The following SCAF4 variants were observed in gnomAD, a reference collection of about 807,000 sequenced individuals.
SCAF4 encodes SR-related CTD associated factor 4, also known as SR-related and CTD-associated factor 4.
In SCAF4, 25 loss-of-function variants were observed where a neutral mutation model predicts 129.8. That is an observed-to-expected ratio of 0.19 (90% CI 0.14 to 0.27). The LOEUF is 0.27. SCAF4 is among the 10% of genes least tolerant of loss of function. The pLI is 1.00. For missense variants in SCAF4, 1,246 were observed against 1,457.1 expected (o/e 0.86, Z 2.36); for synonymous variants, 551 against 497.7 (o/e 1.11, Z -1.43).
chr21:31,709,201 C>T (rs926928319), intron 1 of SCAF4, among the ~76,000 whole-genome samples: 1 of 151,964 alleles, frequency 6.6e-6, no homozygotes, highest in African/African-American at 2.4e-5. Context: ...TGGGGGGGAG[C>T]GTCTATTTTG....
At chr21:31,688,748 A>T (rs2050189267) in intron 15 of SCAF4, among the ~76,000 whole-genome samples, 1 of 152,258 alleles carries the variant, frequency 6.6e-6, no homozygotes, top group Non-Finnish European at 1.5e-5. Flanking sequence ...CACAAATGAG[A>T]AAAGCAAAGA....
rs1455471150 is a variant in SCAF4, at chr21:31,690,950, C to A, written c.1732G>T (p.Ala578Ser). The A allele has an allele frequency of 1.2e-6, 2 of 1,603,212 alleles. No homozygotes were observed. The highest frequency in any genetic ancestry group is 1.7e-6 in the Non-Finnish European group (2 of 1,175,728). Residue 578 changes from alanine to serine, a missense_variant, in exon 15 of 20, where the codon GCC becomes TCC. Coordinates refer to ENST00000286835, the MANE Select transcript of SCAF4 (RefSeq NM_020706.2). Reference sequence around the variant, plus strand: ...TTTATTCCTTTGTTTAAGGCCCAGGCAATCTATTTCACCATTAGTGAAAAT... The same window carrying A: ...TTTATTCCTTTGTTTAAGGCCCAGGAAATCTATTTCACCATTAGTGAAAAT... ...YKVNQKSIKI[A>S]WALNKGIKAD...
intron 1 of SCAF4, among the ~76,000 whole-genome samples, chr21:31,709,586 C>T (rs78609000): frequency 4.3e-4 from 66 of 152,156 alleles, no homozygotes; most frequent in Middle Eastern, 3.4e-3. Context: ...TCTATAGTCT[C>T]TATTTAAAAA....
intron 2 of SCAF4, among the ~76,000 whole-genome samples, chr21:31,705,978 G>A (rs989929047): frequency 6.6e-6 from 1 of 152,238 alleles, no homozygotes; most frequent in African/African-American, 2.4e-5. Context: ...GCTCAGGCAT[G>A]AGAATCACTT....
chr21:31,700,801 G>T (rs1272233391), intron 7 of SCAF4, 194 bp downstream of exon 7: 1 of 526,706 alleles, frequency 1.9e-6, no homozygotes, highest in East Asian at 3.3e-5. Context: ...TCAAACCCTG[G>T]AAATTTTTGC....
At chr21:31,722,678 G>A (rs956188367) in intron 1 of SCAF4, among the ~76,000 whole-genome samples, 3 of 152,066 alleles carry the variant, frequency 2.0e-5, no homozygotes, top group African/African-American at 7.2e-5. Flanking sequence ...ACTCAAGGTC[G>A]GGTGTGGTGG....
chr21:31,693,426 G>T lies in SCAF4; in HGVS notation c.1381C>A (p.Arg461Ser). ...GSRSRRSRHRRSRSRSRDRRR... is the reference protein window; with the variant it reads ...GSRSRRSRHRSSRSRSRDRRR... ...CTATCCCTGGACCGAGATCGAGAAC[G>T]TCGATGCCGAGACCTTCGAGATCTA... The change falls in exon 12 of 20, where the codon CGT (arginine) becomes AGT (serine). Residue 461 changes from arginine to serine, a missense_variant. Arg to Ser is a moderately radical substitution (Grantham distance 110). Coordinates refer to ENST00000286835, the MANE Select transcript of SCAF4 (RefSeq NM_020706.2). The T allele has an allele frequency of 6.4e-7, 1 of 1,562,010 alleles. No homozygotes were observed. The highest frequency in any genetic ancestry group is 8.7e-7 in the Non-Finnish European group (1 of 1,144,278).
At chr21:31,711,752 G>A (rs1189352966) in intron 1 of SCAF4, among the ~76,000 whole-genome samples, 1 of 152,086 alleles carries the variant, frequency 6.6e-6, no homozygotes, top group Non-Finnish European at 1.5e-5. Context: ...TTGCAATGTG[G>A]ACCCAAACTA....
chr21:31,717,826 C>CATATATAT (rs796625672), intron 1 of SCAF4, among the ~76,000 whole-genome samples: 3,179 of 109,830 alleles, frequency 0.029, 78 homozygotes, highest in Admixed American at 0.066. Context: ...AAACTGCTGC[C>CATATATAT]ATATATATAT....
chr21:31,719,005 T>C (rs1364152164), intron 1 of SCAF4, among the ~76,000 whole-genome samples: 1 of 152,112 alleles, frequency 6.6e-6, no homozygotes, highest in Non-Finnish European at 1.5e-5. Flanking sequence ...GAAAACAGAA[T>C]ATAGGTGGGG....
At chr21:31,714,854 G>A (rs966047850) in intron 1 of SCAF4, among the ~76,000 whole-genome samples, 1 of 152,194 alleles carries the variant, frequency 6.6e-6, no homozygotes, top group Non-Finnish European at 1.5e-5. Flanking sequence ...TAAGTGCTGA[G>A]TAAATGGAGC....
Position 31,696,689 on chromosome 21 carries a change from T to C in SCAF4, c.839A>G (p.Glu280Gly). ...TGTCGTGGTGACGGCAGTGGTATCCTCTTTCTTTGATTCTTCCACAGCTTC... is the reference window on the plus strand; with the variant it reads ...TGTCGTGGTGACGGCAGTGGTATCCCCTTTCTTTGATTCTTCCACAGCTTC... ...EPEAVEESKK[E>G]DTTAVTTTAP... Residue 280 changes from glutamate (E) to glycine (G), a missense_variant, in exon 8 of 20, where the codon GAG (glutamate) becomes GGG (glycine). Coordinates refer to ENST00000286835, the MANE Select transcript of SCAF4 (RefSeq NM_020706.2). 1 of 1,613,962 alleles carries C rather than the reference T, an allele frequency of 6.2e-7. No individual in the cohort carries two copies. The highest frequency in any genetic ancestry group is 8.5e-7 in the Non-Finnish European group (1 of 1,179,840).
intron 7 of SCAF4, 90 bp from the exon 8 acceptor site, chr21:31,696,840 T>C: frequency 1.8e-6 from 2 of 1,093,406 alleles, no homozygotes; most frequent in Non-Finnish European, 2.7e-6. Flanking sequence ...TTTACCACCA[T>C]CTAGAAACCC....
chr21:31,693,383 C>T lies in SCAF4; in HGVS notation c.1424G>A (p.Arg475Gln), dbSNP rs752030908. ...ATCCCGTCTTTCTTGAGATCGAGATCGGGGAGAATGTCGGCGTCTATCCCT... is the reference window on the plus strand; with the variant it reads ...ATCCCGTCTTTCTTGAGATCGAGATTGGGGAGAATGTCGGCGTCTATCCCT... ...RSRDRRRHSPRSRSQERRDRE... is the reference protein window; with the variant it reads ...RSRDRRRHSPQSRSQERRDRE... The change falls in exon 12 of 20, where the codon CGA becomes CAA. Residue 475 changes from arginine to glutamine, a missense_variant. Coordinates refer to ENST00000286835, the MANE Select transcript of SCAF4 (RefSeq NM_020706.2). The T allele has an allele frequency of 1.6e-5, 26 of 1,581,638 alleles. No homozygotes were observed. The highest frequency in any genetic ancestry group is 6.8e-5 in the East Asian group (3 of 44,066).
chr21:31,690,659 TA>T, intron 15 of SCAF4, 137 bp downstream of exon 15: 1 of 674,906 alleles, frequency 1.5e-6, no homozygotes, highest in Non-Finnish European at 2.5e-6. Context: ...CCTCAGTTTA[TA>T]ATGGAGATAC....
In SCAF4 at chr21:31,707,526, C is replaced by T. The variant is rs181289197; in HGVS notation, c.31-1169G>A. On this transcript the variant is annotated intron_variant, in intron 1 of 19. Transcript: ENST00000286835. ...AAGATAAAATCCTGACATTAAGAAA[C>T]ATATCTACCTTCTTAAATTATTGTT... Among the ~76,000 whole-genome samples, 1,102 of 152,292 alleles carry T rather than the reference C, an allele frequency of 7.2e-3. 13 individuals are homozygous for T. The highest frequency in any genetic ancestry group is 0.025 in the African/African-American group (1,039 of 41,558).
intron 1 of SCAF4, among the ~76,000 whole-genome samples, chr21:31,731,041 T>C (rs1292639537): frequency 1.3e-5 from 2 of 152,214 alleles, no homozygotes; most frequent in African/African-American, 4.8e-5. Flanking sequence ...TTCACGACTT[T>C]AAATTATAAC....
intron 4 of SCAF4, among the ~76,000 whole-genome samples, chr21:31,703,267 C>T (rs774852017): frequency 1.4e-4 from 22 of 152,176 alleles, no homozygotes; most frequent in Admixed American, 2.6e-4. Context: ...ATCTTTCCAA[C>T]GATATCTTCT....
intron 1 of SCAF4, among the ~76,000 whole-genome samples, chr21:31,723,248 T>C (rs563153651): frequency 2.6e-5 from 4 of 152,284 alleles, no homozygotes; most frequent in Admixed American, 6.5e-5. Flanking sequence ...CTTTTAAAGA[T>C]AGTGGCCAGC....
Sources: allele counts gnomAD v4.1 joint callset (sites outside exome capture counted in the v4.1 genomes callset), GRCh38; gene constraint gnomAD v4.1.1; transcripts MANE v1.5; gene names NCBI Gene and HGNC (gene_info 2026-07-23, HGNC 2026-07-21).